DNAH14: variants seen among roughly 807,000 people sequenced by gnomAD.
DNAH14 encodes axonemal beta dynein heavy chain 14.
DNAH14 carries 478 observed loss-of-function variants against 520.9 expected under a neutral mutation model. The observed-to-expected ratio is 0.92, with a 90% CI of 0.85 to 0.99. DNAH14 has a LOEUF of 0.99. Ranked by LOEUF, DNAH14 falls within the 50% of genes least tolerant of loss-of-function variation. DNAH14 has a pLI of 0.00. For missense variants in DNAH14, 4,831 were observed against 5,234.5 expected, an observed-to-expected ratio of 0.92 and a Z score of 2.38; for synonymous variants, 1,581 against 1,757.2, an observed-to-expected ratio of 0.90 and a Z score of 2.51.
chr1:225,172,561 A>G lies in DNAH14; in HGVS notation c.5535+4533A>G, dbSNP rs567407437. 1.1e-3 allele frequency among the ~76,000 whole-genome samples: 174 copies of G among 152,296 alleles called. No homozygotes were observed. In the South Asian group the frequency reaches 0.012, roughly 10 times the overall value. Reference sequence around the variant, plus strand: ...CCTAGGAATCCAACTTACAAGGGATATGAAGGACCTCTTCAAGGAGAATTA... The same window carrying G: ...CCTAGGAATCCAACTTACAAGGGATGTGAAGGACCTCTTCAAGGAGAATTA... On this transcript the variant is annotated intron_variant, in intron 36 of 85. Coordinates refer to ENST00000682510, the MANE Select transcript of DNAH14 (RefSeq NM_001367479.1).
intron 58 of DNAH14, among the ~76,000 whole-genome samples, 179 bp from the exon 59 acceptor site, chr1:225,307,282 T>C (rs1301575119): frequency 6.6e-6 from 1 of 152,224 alleles, no homozygotes; most frequent in Non-Finnish European, 1.5e-5. Flanking sequence ...TTTTCTTCTT[T>C]ATACCTTGTT....
At chr1:224,930,614 T>C (rs1299316730) in intron 1 of DNAH14, among the ~76,000 whole-genome samples, 3 of 152,198 alleles carry the variant, frequency 2.0e-5, no homozygotes, top group Admixed American at 6.5e-5. Flanking sequence ...ACTTTTTTTT[T>C]TGAGACGGAG....
intron 21 of DNAH14, among the ~76,000 whole-genome samples, chr1:225,088,476 A>G (rs1218705193): frequency 6.6e-6 from 1 of 152,196 alleles, no homozygotes; most frequent in Non-Finnish European, 1.5e-5. Context: ...TCCATATGAA[A>G]CATAGGTAGA....
chr1:225,367,388 G>A (rs2095566964), intron 76 of DNAH14, among the ~76,000 whole-genome samples: 1 of 152,148 alleles, frequency 6.6e-6, no homozygotes, highest in Non-Finnish European at 1.5e-5. Context: ...AGTTTGTGCT[G>A]TTTCCCATGA....
chr1:225,003,052 C>T (rs1027502566), intron 9 of DNAH14, 125 bp downstream of exon 9: 44 of 854,088 alleles, frequency 5.2e-5, no homozygotes, highest in Admixed American at 1.1e-4. Flanking sequence ...CGATTACTAC[C>T]GTTCTAAAAT....
intron 45 of DNAH14, 107 bp from the exon 46 acceptor site, chr1:225,259,012 CTT>C: frequency 1.7e-6 from 2 of 1,210,844 alleles, no homozygotes; most frequent in South Asian, 3.6e-5. Flanking sequence ...CAAAAAAACA[CTT>C]TTTATGCAAT....
chr1:225,144,760 C>T, intron 29 of DNAH14, 132 bp downstream of exon 29: 1 of 706,354 alleles, frequency 1.4e-6, no homozygotes. Flanking sequence ...CATTAACTCA[C>T]ATATAATTAA....
chr1:224,974,320 CTG>C (rs1217491953), intron 8 of DNAH14, among the ~76,000 whole-genome samples, 167 bp downstream of exon 8: 1 of 152,106 alleles, frequency 6.6e-6, no homozygotes, highest in East Asian at 1.9e-4. Flanking sequence ...CTATTAAACA[CTG>C]TGTTTTGCAG....
At chr1:225,347,861 A>G (rs2095310124) in intron 71 of DNAH14, among the ~76,000 whole-genome samples, 1 of 152,154 alleles carries the variant, frequency 6.6e-6, no homozygotes, top group South Asian at 2.1e-4. Flanking sequence ...AAACTCCAGA[A>G]ACGAGTCCCA....
intron 60 of DNAH14, among the ~76,000 whole-genome samples, chr1:225,312,549 T>G (rs1351910141): frequency 3.3e-5 from 5 of 152,192 alleles, no homozygotes; most frequent in Admixed American, 6.5e-5. Flanking sequence ...GCTTCCAGCT[T>G]TTGCCCATTC....
chr1:225,076,891 C>T (rs917588951), intron 17 of DNAH14, among the ~76,000 whole-genome samples: 2 of 151,922 alleles, frequency 1.3e-5, no homozygotes, highest in African/African-American at 4.8e-5. Flanking sequence ...GTTTGCTGCA[C>T]CCATAAACTC....
At chr1:225,185,495 T>C in intron 37 of DNAH14, 70 bp downstream of exon 37, 4 of 1,401,590 alleles carry the variant, frequency 2.9e-6, no homozygotes. Context: ...ATATTTTATG[T>C]TCTCTTTATA....
At chr1:224,965,011 A>T (rs1405763772) in intron 5 of DNAH14, among the ~76,000 whole-genome samples, 1 of 152,030 alleles carries the variant, frequency 6.6e-6, no homozygotes. Context: ...ACTCCCTGGT[A>T]CCTGATTTTC....
At chr1:224,991,083 G>GATTTTTTTTTTTT (rs1558617166) in intron 8 of DNAH14, among the ~76,000 whole-genome samples, 1 of 95,902 alleles carries the variant, frequency 1.0e-5, no homozygotes, top group Non-Finnish European at 1.9e-5. Flanking sequence ...GTGATGTTGA[G>GATTTTTTTTTTTT]CTTTTTTTTT....
chr1:225,335,843 ATACACATATG>A (rs1455481168), intron 66 of DNAH14, among the ~76,000 whole-genome samples: 3 of 94,356 alleles, frequency 3.2e-5, no homozygotes. Flanking sequence ...ATATATGTAC[ATACACATATG>A]TACATATATG....
At chr1:225,040,235 G>A (rs2939363) in intron 12 of DNAH14, among the ~76,000 whole-genome samples, 112,469 of 152,046 alleles carry the variant, frequency 0.74, 44,433 homozygotes, top group Non-Finnish European at 0.88. Context: ...CACTGCGCCC[G>A]GCCATATCTT....
In DNAH14 at chr1:225,258,099, C is replaced by G. The variant is rs2092805204; in HGVS notation, c.7005C>G (p.Ser2335=). The change falls in exon 45 of 86, where the codon TCC becomes TCG. Residue 2335 remains serine (S), a synonymous_variant. Coordinates refer to ENST00000682510, the MANE Select transcript of DNAH14 (RefSeq NM_001367479.1). ...SFLMSLLLKN[S]CPVLLTGESG... ...TCATGAGCCTTCTTTTAAAGAATTC[C>G]TGCCCTGTACTTCTCACAGGTATTA... 8 of 1,532,418 alleles carry G rather than the reference C, an allele frequency of 5.2e-6. No homozygotes were observed. The East Asian group carries it at 2.0e-4, about 38-fold the overall frequency. 94.9% of individuals were successfully genotyped at this position (1,532,418 alleles called of 1,614,324 possible). A position where few individuals can be genotyped will look rare whatever the true frequency, so the allele number is the denominator to read the frequency against.
chr1:225,181,952 C>T lies in DNAH14; in HGVS notation c.5536-3339C>T, dbSNP rs573276394. Among the ~76,000 whole-genome samples, 8 of 152,138 alleles carry T rather than the reference C, an allele frequency of 5.3e-5. 1 individual carries two copies. The South Asian group carries it at 8.3e-4, about 16-fold the overall frequency. On this transcript the variant is annotated intron_variant, in intron 36 of 85. Coordinates refer to ENST00000682510, the MANE Select transcript of DNAH14 (RefSeq NM_001367479.1). ...CTGAAACCCCAGCACTTGGGGAGGC[C>T]GAGACAGGTGGATCACTTGAGGTCA...
chr1:225,017,797 G>C lies in DNAH14; in HGVS notation c.1108-5818G>C, dbSNP rs374050822. On this transcript the variant is annotated intron_variant, in intron 10 of 85. Coordinates refer to ENST00000682510, the MANE Select transcript of DNAH14 (RefSeq NM_001367479.1). ...CAAGGTTAAAGCATGCTGCCCAGGA[G>C]TGTTGAAGTGAGAGTTGGCCCACTG... 6.6e-5 allele frequency among the ~76,000 whole-genome samples: 10 copies of C among 152,340 alleles called. No individual in the cohort carries two copies. In the East Asian group the frequency reaches 1.4e-3, roughly 21 times the overall value.
Sources: allele counts gnomAD v4.1 joint callset (sites outside exome capture counted in the v4.1 genomes callset), GRCh38; gene constraint gnomAD v4.1.1; transcripts MANE v1.5; gene names NCBI Gene and HGNC (gene_info 2026-07-23, HGNC 2026-07-21).